Variants in SDK2 observed in about 807,000 individuals in gnomAD.
SDK2 encodes sidekick cell adhesion molecule 2, also known as protein sidekick-2.
SDK2 carries 105 observed loss-of-function variants against 253.9 expected under a neutral mutation model. The observed-to-expected ratio is 0.41, with a 90% CI of 0.35 to 0.49. The LOEUF is 0.49. Among genes scored for constraint, SDK2 ranks in the 20% least tolerant of loss-of-function variants. The probability of loss-of-function intolerance (pLI) is 0.06; values close to 1 mark genes in which losing one functional copy is unlikely to be tolerated. For missense variants in SDK2, 2,608 were observed against 3,003.0 expected, an observed-to-expected ratio of 0.87 and a Z score of 3.07; for synonymous variants, 1,249 against 1,234.9, an observed-to-expected ratio of 1.01 and a Z score of -0.24.
chr17:73,558,377 G>A (rs2045176904), intron 1 of SDK2, among the ~76,000 whole-genome samples: 1 of 151,774 alleles, frequency 6.6e-6, no homozygotes, highest in South Asian at 2.1e-4. Context: ...AAAGAGACTC[G>A]GATGCCTTAT....
chr17:73,428,125 T>G (rs1166088234), intron 12 of SDK2, among the ~76,000 whole-genome samples: 1 of 152,144 alleles, frequency 6.6e-6, no homozygotes, highest in Non-Finnish European at 1.5e-5. Context: ...AAATGCAAAT[T>G]AAAACAACAA....
intron 2 of SDK2, among the ~76,000 whole-genome samples, chr17:73,506,788 G>A (rs2063939248): frequency 6.6e-6 from 1 of 152,206 alleles, no homozygotes; most frequent in Non-Finnish European, 1.5e-5. Context: ...CTGGGTGAGG[G>A]GCTGCTTCCC....
intron 1 of SDK2, among the ~76,000 whole-genome samples, chr17:73,533,496 T>G (rs2064187102): frequency 6.6e-6 from 1 of 152,234 alleles, no homozygotes; most frequent in Admixed American, 6.5e-5. Flanking sequence ...ACACAGGCCC[T>G]GAGGCCCTCT....
intron 1 of SDK2, among the ~76,000 whole-genome samples, chr17:73,605,115 C>A (rs2045890675): frequency 6.6e-6 from 1 of 152,194 alleles, no homozygotes; most frequent in South Asian, 2.1e-4. Flanking sequence ...AGATCACAGG[C>A]AACTTTGACC....
intron 1 of SDK2, among the ~76,000 whole-genome samples, chr17:73,555,482 A>G (rs75525551): frequency 0.037 from 5,575 of 152,306 alleles, 214 homozygotes; most frequent in African/African-American, 0.1. Flanking sequence ...AGGCCCAGGA[A>G]AGGAAGGGGC....
intron 22 of SDK2, among the ~76,000 whole-genome samples, chr17:73,398,772 C>T (rs886340484): frequency 2.6e-5 from 4 of 152,170 alleles, no homozygotes; most frequent in South Asian, 2.1e-4. Context: ...TTGAACACCC[C>T]GGGTACTTCC....
At chr17:73,428,353 G>C (rs78834970) in intron 12 of SDK2, among the ~76,000 whole-genome samples, 1 of 152,038 alleles carries the variant, frequency 6.6e-6, no homozygotes, top group Non-Finnish European at 1.5e-5. Flanking sequence ...CGTGAGGCAC[G>C]GCGCCTGGCC....
chr17:73,389,527 T>C (rs950323526), intron 29 of SDK2, among the ~76,000 whole-genome samples: 21 of 152,082 alleles, frequency 1.4e-4, no homozygotes, highest in African/African-American at 4.6e-4. Flanking sequence ...TGTCTCACTA[T>C]GTGGCCCAGG....
rs1361581803 is a variant in SDK2, at chr17:73,431,594, CTGA to C, written c.1385_1387del (p.Ile462del). 3 of 1,613,404 alleles carry C rather than the reference CTGA, an allele frequency of 1.9e-6. No individual in the cohort carries two copies. The highest frequency in any genetic ancestry group is 2.5e-6 in the Non-Finnish European group (3 of 1,179,680). ...CCCCGCATCGGAGATGTGTGTGGGG[CTGA>C]TGAGGAGGCTGCCCGACTCCAGGGG... On this transcript the variant is annotated inframe_deletion, in exon 11 of 45. Transcript: ENST00000392650. This position sits in a 1 kb window ranked among gnomAD's most constrained non-coding sequence, Gnocchi z 5.6.
At position 73,435,081 on chromosome 17, in the gene SDK2, A is replaced by G. The variant is rs1244152037; in HGVS notation, c.1195+369T>C. 6.6e-6 allele frequency among the ~76,000 whole-genome samples: 1 copy of G among 152,228 alleles called. No homozygotes were observed. Among genetic ancestry groups the G allele is most frequent in the African/African-American group, 2.4e-5 (1 of 41,466 alleles). ...AGTTTTCTTCTTTGGAAACATGAGC[A>G]GGTCTTCTGGAATGGGGTTACTCCA... On this transcript the variant is annotated intron_variant, in intron 9 of 44. Transcript: ENST00000392650. The surrounding 1 kb of genome is among the most constrained non-coding windows in gnomAD (Gnocchi z 5.7).
At chr17:73,347,153 G>C (rs1338029337) in intron 44 of SDK2, among the ~76,000 whole-genome samples, 2 of 152,136 alleles carry the variant, frequency 1.3e-5, no homozygotes, top group African/African-American at 4.8e-5. Flanking sequence ...TTGAGGTCAG[G>C]CATTTGAGAC....
Position 73,465,011 on chromosome 17 carries a change from T to C in SDK2, c.331+7101A>G, listed in dbSNP as rs1230215258. Reference sequence around the variant, plus strand: ...CTTGGCATATGGGGGTGTGCAGCAATCATTGTTTCCTGAGTGATTTGAATA... The same window carrying C: ...CTTGGCATATGGGGGTGTGCAGCAACCATTGTTTCCTGAGTGATTTGAATA... On this transcript the variant is annotated intron_variant, in intron 3 of 44. Coordinates refer to ENST00000392650, the MANE Select transcript of SDK2 (RefSeq NM_001144952.2). This position sits in a 1 kb window ranked among gnomAD's most constrained non-coding sequence, Gnocchi z 4.2. Among the ~76,000 whole-genome samples the C allele has an allele frequency of 6.6e-6, 1 of 152,184 alleles. No homozygotes were observed. The highest frequency in any genetic ancestry group is 2.4e-5 in the African/African-American group (1 of 41,442).
intron 37 of SDK2, among the ~76,000 whole-genome samples, chr17:73,365,823 T>C (rs989505954): frequency 9.2e-5 from 14 of 151,998 alleles, no homozygotes; most frequent in African/African-American, 3.4e-4. Context: ...CGGTAGGCGC[T>C]AAACAAAGAA....
At position 73,395,361 on chromosome 17, in the gene SDK2, G is replaced by A. The variant is rs2062962609; in HGVS notation, c.3386C>T (p.Pro1129Leu). 6.2e-7 allele frequency: 1 copy of A among 1,613,880 alleles called. No homozygotes were observed. The highest frequency in any genetic ancestry group is 8.5e-7 in the Non-Finnish European group (1 of 1,179,896). ...PLPEMEYNGN[P>L]ESVGYKIKYS... The stretch of plus-strand genomic sequence containing the variant: ...CTTGATCTTATAGCCCACGGACTCA[G>A]GGTTCCCATTGTATTCCATCTCCGG... The change falls in exon 25 of 45, where the codon CCT becomes CTT. Residue 1129 changes from proline to leucine, a missense_variant. By Grantham distance (98) the Pro-to-Leu change is moderately conservative. Coordinates refer to ENST00000392650, the MANE Select transcript of SDK2 (RefSeq NM_001144952.2). The surrounding 1 kb of genome is among the most constrained non-coding windows in gnomAD (Gnocchi z 4.3).
rs923346448 is a variant in SDK2, at chr17:73,374,308, T to G, written c.4980+4869A>C. On this transcript the variant is annotated intron_variant, in intron 36 of 44. Transcript: ENST00000392650. Reference sequence around the variant, plus strand: ...TGACTCTGTTCTGTCTCCCCTCGAATGTCCAACAGACGTCTCAAACCAAAC... The same window carrying G: ...TGACTCTGTTCTGTCTCCCCTCGAAGGTCCAACAGACGTCTCAAACCAAAC... Among the ~76,000 whole-genome samples, 2 of 144,142 alleles carry G rather than the reference T, an allele frequency of 1.4e-5. 1 individual carries two copies. The highest frequency in any genetic ancestry group is 1.4e-4 in the Admixed American group (2 of 14,346). 94.6% of individuals were successfully genotyped at this position (144,142 alleles called of 152,430 possible).
At chr17:73,488,194 T>G (rs2063782137) in intron 2 of SDK2, among the ~76,000 whole-genome samples, 1 of 152,134 alleles carries the variant, frequency 6.6e-6, no homozygotes, top group Non-Finnish European at 1.5e-5. Context: ...TTTTTGTATT[T>G]TTTAGTAGAG....
rs145375289 is a variant in SDK2 at position 73,401,123 on chromosome 17, C to G, written c.2868G>C (p.Thr956=). The G allele has an allele frequency of 3.2e-6, 5 of 1,562,784 alleles. No homozygotes were observed. The highest frequency in any genetic ancestry group is 3.5e-6 in the Non-Finnish European group (4 of 1,153,528). The part of the protein sequence containing the change: ...LPNVTLEYRV[T]GLTALTTYTI... ...TGTAGGTGGTGAGCGCGGTGAGGCC[C>G]GTGACACGGTACTCCAGGGTCACGT... is the stretch of plus-strand genomic sequence containing the variant. The change falls in exon 21 of 45, where the codon ACG becomes ACC. Residue 956 remains threonine (T), a synonymous_variant. Coordinates refer to ENST00000392650, the MANE Select transcript of SDK2 (RefSeq NM_001144952.2).
chr17:73,532,956 C>T (rs1210480140), intron 1 of SDK2, among the ~76,000 whole-genome samples: 1 of 152,170 alleles, frequency 6.6e-6, no homozygotes, highest in African/African-American at 2.4e-5. Context: ...TTAATAAAGG[C>T]ATTTAATAAA....
At chr17:73,407,129 A>T (rs2063085614) in intron 18 of SDK2, among the ~76,000 whole-genome samples, 2 of 152,386 alleles carry the variant, frequency 1.3e-5, no homozygotes, top group South Asian at 4.1e-4. Flanking sequence ...GCCTAGAAAC[A>T]ACAACCATTT....
Sources: allele counts gnomAD v4.1 joint callset (sites outside exome capture counted in the v4.1 genomes callset), GRCh38; gene constraint gnomAD v4.1.1; non-coding constraint Gnocchi (gnomAD v3.1); transcripts MANE v1.5; gene names NCBI Gene and HGNC (gene_info 2026-07-23, HGNC 2026-07-21).